Variants in DIAPH2 observed in about 807,000 individuals in gnomAD.
DIAPH2 encodes the protein diaphanous related formin 2.
A neutral mutation model predicts 92.7 loss-of-function variants in DIAPH2; 35 were observed. That is an observed-to-expected ratio of 0.38 (90% CI 0.29 to 0.50). The LOEUF (loss-of-function observed/expected upper bound fraction) is 0.50. Ranked by LOEUF, DIAPH2 falls within the 20% of genes least tolerant of loss-of-function variation. The probability of loss-of-function intolerance (pLI) is 0.94; values close to 1 mark genes in which losing one functional copy is unlikely to be tolerated. For synonymous variants in DIAPH2, 301 were observed against 280.4 expected (o/e 1.07, Z -0.73); for missense variants, 701 against 819.5 (o/e 0.86, Z 1.77).
At chrX:96,810,909 T>G (rs1029374535) in intron 4 of DIAPH2, among the ~76,000 whole-genome samples, 1 of 111,908 alleles carries the variant, frequency 8.9e-6, no homozygotes, top group Non-Finnish European at 1.9e-5. Flanking sequence ...CCATGCTGTT[T>G]TGGTTACTGT....
At chrX:97,201,951 A>C (rs755079860) in intron 22 of DIAPH2, among the ~76,000 whole-genome samples, 45 of 111,925 alleles carry the variant, frequency 4.0e-4, no homozygotes, top group African/African-American at 1.4e-3. Flanking sequence ...GAAGCCCATC[A>C]GACTAACAGC....
rs560141844 is a variant in DIAPH2 at position 96,761,020 on chromosome X, T to C, written c.447+2762T>C. Among the ~76,000 whole-genome samples, 286 of 110,281 alleles carry C rather than the reference T, an allele frequency of 2.6e-3. 1 individual carries two copies. Among genetic ancestry groups the C allele is most frequent in the Admixed American group, 4.8e-3 (50 of 10,446 alleles). On this transcript the variant is annotated intron_variant, in intron 4 of 26. Transcript: ENST00000324765. ...TGACCACAAATAACCTGGAAGAGTC[T>C]ATATTTTCAAAACACCAGCATATGT...
intron 19 of DIAPH2, among the ~76,000 whole-genome samples, chrX:97,079,887 C>T (rs758687802): frequency 5.1e-4 from 57 of 111,136 alleles, no homozygotes; most frequent in Non-Finnish European, 9.8e-4. Flanking sequence ...ATATTTCCTT[C>T]GATATGTCAG....
At chrX:97,102,034 T>C (rs546443138) in intron 20 of DIAPH2, among the ~76,000 whole-genome samples, 3 of 112,284 alleles carry the variant, frequency 2.7e-5, no homozygotes, top group African/African-American at 9.7e-5. Context: ...ATTAGTGTAT[T>C]TATCACATGA....
intron 26 of DIAPH2, among the ~76,000 whole-genome samples, chrX:97,463,341 G>A (rs757291856): frequency 3.1e-4 from 33 of 105,328 alleles, no homozygotes; most frequent in East Asian, 5.9e-4. Context: ...CCTGTAGGTC[G>A]GGGTCCTTCC....
chrX:97,492,839 G>T (rs772177613), intron 26 of DIAPH2, among the ~76,000 whole-genome samples: 28 of 112,187 alleles, frequency 2.5e-4, no homozygotes, highest in South Asian at 7.4e-4. Context: ...TTGACTTTGT[G>T]CAATTTGATT....
intron 24 of DIAPH2, among the ~76,000 whole-genome samples, chrX:97,379,361 G>A (rs1389752519): frequency 8.9e-6 from 1 of 112,091 alleles, no homozygotes; most frequent in Non-Finnish European, 1.9e-5. Flanking sequence ...AATTCTTGCT[G>A]TTCAAACTTT....
intron 20 of DIAPH2, among the ~76,000 whole-genome samples, chrX:97,102,064 C>T (rs370194694): frequency 1.8e-5 from 2 of 112,115 alleles, no homozygotes; most frequent in Non-Finnish European, 3.8e-5. Flanking sequence ...GGAAAACCTC[C>T]GGTGTCTCCC....
chrX:97,466,883 G>T (rs2070517185), intron 26 of DIAPH2, among the ~76,000 whole-genome samples: 1 of 112,110 alleles, frequency 8.9e-6, no homozygotes, highest in Admixed American at 9.5e-5. Context: ...GAGAATATAT[G>T]TGTATAGGTA....
chrX:97,164,673 CATTA>C (rs1237394005), intron 22 of DIAPH2, among the ~76,000 whole-genome samples: 1 of 112,116 alleles, frequency 8.9e-6, no homozygotes, highest in Non-Finnish European at 1.9e-5. Context: ...CATCACTGAC[CATTA>C]ATTCTTAGAA....
At chrX:97,510,265 A>G (rs1488474074) in intron 26 of DIAPH2, among the ~76,000 whole-genome samples, 3 of 111,069 alleles carry the variant, frequency 2.7e-5, no homozygotes, top group African/African-American at 9.9e-5. Flanking sequence ...GCCAGTGATG[A>G]TGAGCATTTT....
At chrX:97,403,406 A>G (rs2069776994) in intron 25 of DIAPH2, among the ~76,000 whole-genome samples, 1 of 112,346 alleles carries the variant, frequency 8.9e-6, no homozygotes, top group South Asian at 3.7e-4. Flanking sequence ...ATGTGAAGAA[A>G]TAGTTCTTAT....
intron 24 of DIAPH2, among the ~76,000 whole-genome samples, chrX:97,377,982 C>T (rs1192709296): frequency 9.3e-6 from 1 of 107,566 alleles, no homozygotes; most frequent in Non-Finnish European, 1.9e-5. Flanking sequence ...AAAAAAAAAC[C>T]CAGAAAACTT....
At chrX:97,566,435 A>G (rs2071328108) in intron 26 of DIAPH2, among the ~76,000 whole-genome samples, 1 of 112,072 alleles carries the variant, frequency 8.9e-6, no homozygotes, top group Non-Finnish European at 1.9e-5. Context: ...TTTGGACCTT[A>G]GAGAATATCC....
intron 24 of DIAPH2, among the ~76,000 whole-genome samples, chrX:97,377,786 A>G (rs2069514756): frequency 9.0e-6 from 1 of 111,706 alleles, no homozygotes; most frequent in African/African-American, 3.3e-5. Context: ...TACTCTGGCC[A>G]TAAAATTACA....
At chrX:97,307,908 C>CAAAAAAA (rs34217377) in intron 23 of DIAPH2, among the ~76,000 whole-genome samples, 1 of 64,818 alleles carries the variant, frequency 1.5e-5, no homozygotes, top group Non-Finnish European at 2.9e-5. Context: ...GACTCTGTCT[C>CAAAAAAA]AAAAAAAAAA....
chrX:97,597,399 C>A (rs1024746240), intron 26 of DIAPH2, among the ~76,000 whole-genome samples: 2 of 111,998 alleles, frequency 1.8e-5, no homozygotes, highest in Non-Finnish European at 1.9e-5. Context: ...GCCTTACATC[C>A]CATCATTTAT....
chrX:96,888,581 C>CTATATATATATA (rs72073544), intron 5 of DIAPH2, among the ~76,000 whole-genome samples: 11 of 92,046 alleles, frequency 1.2e-4, no homozygotes, highest in African/African-American at 4.0e-4. Flanking sequence ...ATATATATAT[C>CTATATATATATA]TATATATATA....
Position 97,482,536 on chromosome X carries a change from G to A in DIAPH2, c.3241+52791G>A, listed in dbSNP as rs191709732. On this transcript the variant is annotated intron_variant, in intron 26 of 26. Coordinates refer to ENST00000324765, the MANE Select transcript of DIAPH2 (RefSeq NM_006729.5). ...ATTTGATACAATGCAGCTGCCAACA[G>A]CAGGGGGGAGAATTTGGCCAAATGG... 5.0e-3 allele frequency among the ~76,000 whole-genome samples: 561 copies of A among 111,632 alleles called. 3 individuals are homozygous for A. The highest frequency in any genetic ancestry group is 8.6e-3 in the Non-Finnish European group (459 of 53,108).
Sources: gnomAD v4.1 joint callset for allele counts (sites outside exome capture counted in the v4.1 genomes callset) on GRCh38, gnomAD v4.1.1 for gene constraint, MANE v1.5 for transcripts, NCBI Gene and HGNC (gene_info 2026-07-23, HGNC 2026-07-21) for gene names.